The following SLC9A4 variants were observed in gnomAD, a reference collection of about 807,000 sequenced individuals.
The protein encoded by SLC9A4 is sodium/hydrogen exchanger 4.
SLC9A4 carries 63 observed loss-of-function variants against 67.4 expected under a neutral mutation model. The ratio of observed to expected loss-of-function variants is 0.93; its 90% confidence interval spans 0.76 to 1.15. The LOEUF (loss-of-function observed/expected upper bound fraction) is 1.15, where lower values mean the gene tolerates loss of function less well. SLC9A4 is among the 50% of genes most tolerant of loss of function. The pLI is 0.00. For missense variants in SLC9A4, 1,089 were observed against 987.7 expected, an observed-to-expected ratio of 1.10 and a Z score of -1.38; for synonymous variants, 393 against 367.2, an observed-to-expected ratio of 1.07 and a Z score of -0.80.
intron 8 of SLC9A4, 93 bp from the exon 9 acceptor site, chr2:102,519,766 C>T (rs566376365): frequency 9.5e-7 from 1 of 1,052,388 alleles, no homozygotes; most frequent in East Asian, 2.7e-5. Context: ...CTTAGGATTC[C>T]CCTCAGTACA....
intron 2 of SLC9A4, among the ~76,000 whole-genome samples, chr2:102,487,852 C>A (rs902900672): frequency 1.3e-5 from 2 of 152,134 alleles, no homozygotes. Context: ...AGGGAGTAAT[C>A]AGAAAGAGGG....
chr2:102,532,063 C>T (rs1484332750), intron 11 of SLC9A4, among the ~76,000 whole-genome samples: 2 of 152,196 alleles, frequency 1.3e-5, no homozygotes, highest in Admixed American at 1.3e-4. Flanking sequence ...AAAGACACTA[C>T]CTTACTTACC....
At chr2:102,482,654 AGGTTATTT>A (rs1684490591) in intron 2 of SLC9A4, among the ~76,000 whole-genome samples, 1 of 151,880 alleles carries the variant, frequency 6.6e-6, no homozygotes, top group Non-Finnish European at 1.5e-5. Context: ...AGTTTTTTGG[AGGTTATTT>A]GGTTACTCTC....
rs1674820170 is a variant in SLC9A4 at position 102,533,385 on chromosome 2, A to G, written c.*697A>G. 6.6e-6 allele frequency: 1 copy of G among 152,326 alleles called. No homozygotes were observed. Among genetic ancestry groups the G allele is most frequent in the Non-Finnish European group, 1.5e-5 (1 of 68,048 alleles). The allele number at this position is 152,326 out of a possible 1,614,324, so 9.4% of individuals were successfully genotyped here. A position where few individuals can be genotyped will look rare whatever the true frequency, so the allele number is the denominator to read the frequency against. On this transcript the variant is annotated 3_prime_UTR_variant, in exon 12 of 12. Transcript: ENST00000295269. ...AATGAATATTAGAAACAAAACAGCC[A>G]TAAACAGAGTTTAATAGCAATGATG...
At chr2:102,513,929 T>TG (rs1685220114) in intron 7 of SLC9A4, among the ~76,000 whole-genome samples, 161 bp from the exon 8 acceptor site, 1 of 152,224 alleles carries the variant, frequency 6.6e-6, no homozygotes, top group Non-Finnish European at 1.5e-5. Context: ...TGCTATGAAT[T>TG]TTTTTAAAAA....
chr2:102,499,180 C>T (rs899829662), intron 2 of SLC9A4, among the ~76,000 whole-genome samples: 5 of 152,130 alleles, frequency 3.3e-5, no homozygotes, highest in African/African-American at 1.2e-4. Context: ...AAGCTCAGGC[C>T]TTAGCTGAGA....
intron 2 of SLC9A4, among the ~76,000 whole-genome samples, chr2:102,494,576 T>C (rs948339608): frequency 6.6e-6 from 1 of 152,112 alleles, no homozygotes; most frequent in African/African-American, 2.4e-5. Context: ...GGCTCAAATA[T>C]ATTCTATTTA....
chr2:102,495,134 A>AT (rs535068538), intron 2 of SLC9A4, among the ~76,000 whole-genome samples: 1 of 151,794 alleles, frequency 6.6e-6, no homozygotes. Context: ...TACAGAGTAT[A>AT]TTTTTTTTAC....
intron 2 of SLC9A4, among the ~76,000 whole-genome samples, chr2:102,492,417 C>A (rs557141711): frequency 6.6e-6 from 1 of 152,360 alleles, no homozygotes; most frequent in African/African-American, 2.4e-5. Flanking sequence ...GGCAGAGGTT[C>A]CCAAACCTCA....
rs368438401 is a variant in SLC9A4 at position 102,525,097 on chromosome 2, G to A, written c.1892G>A (p.Arg631His). ...CAGGCTAAAGAGATTCTGATCCGCC[G>A]CCAGAACACCTTAAGGGAGAGCATG... ...EKQAKEILIR[R>H]QNTLRESMRK... is the part of the protein sequence containing the mutation. The change falls in exon 10 of 12, where the codon CGC (arginine) becomes CAC (histidine). Residue 631 changes from arginine (R) to histidine (H), a missense_variant. Arg to His is a conservative substitution (Grantham distance 29). Transcript: ENST00000295269. 5.8e-5 allele frequency: 94 copies of A among 1,613,950 alleles called. No individual in the cohort carries two copies. Among genetic ancestry groups the A allele is most frequent in the East Asian group, 2.7e-4 (12 of 44,830 alleles).
intron 4 of SLC9A4, among the ~76,000 whole-genome samples, chr2:102,507,544 C>T (rs1056577258): frequency 1.3e-5 from 2 of 152,096 alleles, no homozygotes; most frequent in Admixed American, 1.3e-4. Context: ...CCCTTGCCAA[C>T]TTCCTTCTTT....
intron 11 of SLC9A4, among the ~76,000 whole-genome samples, chr2:102,526,934 T>C (rs752404147): frequency 2.6e-5 from 4 of 152,234 alleles, no homozygotes; most frequent in Non-Finnish European, 5.9e-5. Flanking sequence ...GGTGACATAA[T>C]ATATGTAATA....
At chr2:102,522,553 C>T (rs766649186) in intron 9 of SLC9A4, among the ~76,000 whole-genome samples, 73 of 152,110 alleles carry the variant, frequency 4.8e-4, no homozygotes, top group Non-Finnish European at 7.9e-4. Context: ...TTATAAAGTG[C>T]AGCCTCCTCC....
At chr2:102,520,832 G>A (rs1294042761) in intron 9 of SLC9A4, among the ~76,000 whole-genome samples, 4 of 152,156 alleles carry the variant, frequency 2.6e-5, no homozygotes. Context: ...AAGAACACAG[G>A]TTTTCTACCC....
intron 9 of SLC9A4, among the ~76,000 whole-genome samples, chr2:102,524,476 T>G (rs1442219778): frequency 6.6e-6 from 1 of 152,112 alleles, no homozygotes; most frequent in Non-Finnish European, 1.5e-5. Context: ...GGACTGTTTT[T>G]TTTAAATCTC....
intron 2 of SLC9A4, among the ~76,000 whole-genome samples, chr2:102,486,799 T>C (rs1006418958): frequency 4.6e-5 from 7 of 152,228 alleles, no homozygotes; most frequent in Non-Finnish European, 1.0e-4. Flanking sequence ...GGGCAGGTGA[T>C]ACACAAATGT....
At chr2:102,531,738 G>A (rs757567485) in intron 11 of SLC9A4, among the ~76,000 whole-genome samples, 4 of 152,192 alleles carry the variant, frequency 2.6e-5, no homozygotes, top group Middle Eastern at 3.2e-3. Context: ...TCAGGAAAGG[G>A]AAGTTCCCAT....
chr2:102,488,927 A>T (rs1050605571), intron 2 of SLC9A4, among the ~76,000 whole-genome samples: 14 of 152,180 alleles, frequency 9.2e-5, no homozygotes, highest in Non-Finnish European at 7.3e-5. Context: ...CTAATCCTCC[A>T]TCCATCCATC....
chr2:102,492,067 A>G (rs1478219997), intron 2 of SLC9A4, among the ~76,000 whole-genome samples: 1 of 152,220 alleles, frequency 6.6e-6, no homozygotes, highest in African/African-American at 2.4e-5. Context: ...TGCTAATGCA[A>G]GTAGGTTCCC....
Sources: gnomAD v4.1 joint callset for allele counts (sites outside exome capture counted in the v4.1 genomes callset) on GRCh38, gnomAD v4.1.1 for gene constraint, MANE v1.5 for transcripts, NCBI Gene and HGNC (gene_info 2026-07-23, HGNC 2026-07-21) for gene names.